Variants in IQGAP2 observed in about 807,000 individuals in gnomAD.
IQGAP2 encodes the protein ras GTPase-activating-like protein IQGAP2.
A neutral mutation model predicts 201.3 loss-of-function variants in IQGAP2; 173 were observed. The observed-to-expected ratio is 0.86, with a 90% CI of 0.76 to 0.98. IQGAP2 has a LOEUF of 0.98. IQGAP2 is among the 50% of genes least tolerant of loss of function. The pLI, the probability that IQGAP2 is intolerant of heterozygous loss-of-function variation, is 0.00. For synonymous variants in IQGAP2, 675 were observed against 673.9 expected (o/e 1.00, Z -0.03); for missense variants, 1,687 against 1,864.8 (o/e 0.90, Z 1.76).
rs150402858 is a variant in IQGAP2 at position 76,668,319 on chromosome 5, G to A, written c.2680-362G>A. On this transcript the variant is annotated intron_variant, in intron 22 of 35. Coordinates refer to ENST00000274364, the MANE Select transcript of IQGAP2 (RefSeq NM_006633.5). ...TAATATGTTAAGTGTATCATATAGTGTGTATCATTTAAATCCTATCATAAT... is the reference window on the plus strand; with the variant it reads ...TAATATGTTAAGTGTATCATATAGTATGTATCATTTAAATCCTATCATAAT... Among the ~76,000 whole-genome samples the A allele has an allele frequency of 5.5e-3, 839 of 151,922 alleles. 8 individuals are homozygous for A. The highest frequency in any genetic ancestry group is 0.019 in the African/African-American group (772 of 41,466).
intron 1 of IQGAP2, among the ~76,000 whole-genome samples, chr5:76,431,317 T>C (rs933921442): frequency 6.6e-6 from 1 of 151,966 alleles, no homozygotes; most frequent in African/African-American, 2.4e-5. Flanking sequence ...TTTATAAATA[T>C]AAAAATATAA....
At chr5:76,619,861 G>A (rs1250987251) in intron 13 of IQGAP2, among the ~76,000 whole-genome samples, 2 of 152,032 alleles carry the variant, frequency 1.3e-5, no homozygotes, top group Non-Finnish European at 2.9e-5. Context: ...TGCCTGGGTG[G>A]GTCAAATATA....
Position 76,707,252 on chromosome 5 carries a change from A to T in IQGAP2, c.4667A>T (p.Lys1556Met), listed in dbSNP as rs750133277. ...EGVAVMKMFD[K>M]VKVNVNLLIY... ...GTAGCTGTAATGAAAATGTTTGATA[A>T]GGTTAAAGTGAATGTAAACCTTCTC... The change falls in exon 36 of 36, where the codon AAG becomes ATG. Residue 1556 changes from lysine (K) to methionine (M), a missense_variant. Transcript: ENST00000274364. 17 of 1,584,934 alleles carry T rather than the reference A, an allele frequency of 1.1e-5. No individual in the cohort carries two copies. Among genetic ancestry groups the T allele is most frequent in the Non-Finnish European group, 1.2e-5 (14 of 1,153,736 alleles).
chr5:76,647,571 C>T (rs1052759397), intron 17 of IQGAP2, among the ~76,000 whole-genome samples: 1 of 152,074 alleles, frequency 6.6e-6, no homozygotes, highest in African/African-American at 2.4e-5. Context: ...CTCATTCTCT[C>T]TTGCTGCCAC....
intron 4 of IQGAP2, among the ~76,000 whole-genome samples, 182 bp from the exon 5 acceptor site, chr5:76,575,511 G>A (rs1401168568): frequency 6.6e-6 from 1 of 152,156 alleles, no homozygotes; most frequent in Middle Eastern, 3.2e-3. Context: ...ATGCTGTCAG[G>A]CAGGGGTCCA....
chr5:76,487,709 G>T (rs1187391406), intron 2 of IQGAP2, among the ~76,000 whole-genome samples: 2 of 152,108 alleles, frequency 1.3e-5, no homozygotes, highest in African/African-American at 4.8e-5. Context: ...GGGGGGCAGG[G>T]TCTTTTCCTA....
intron 10 of IQGAP2, among the ~76,000 whole-genome samples, chr5:76,600,425 A>C (rs1210157346): frequency 6.6e-6 from 1 of 152,188 alleles, no homozygotes; most frequent in Non-Finnish European, 1.5e-5. Context: ...CAAACTGGAA[A>C]TCGTTAGCTG....
intron 2 of IQGAP2, among the ~76,000 whole-genome samples, chr5:76,484,564 TA>T (rs540843099): frequency 1.6e-3 from 247 of 152,190 alleles, no homozygotes; most frequent in African/African-American, 4.2e-3. Flanking sequence ...ACTTTTCCTT[TA>T]AAAAAAATTT....
At chr5:76,513,197 T>C (rs2150184857) in intron 2 of IQGAP2, among the ~76,000 whole-genome samples, 1 of 152,392 alleles carries the variant, frequency 6.6e-6, no homozygotes, top group East Asian at 1.9e-4. Context: ...GTGTACTCTT[T>C]CTGTGCCAAG....
chr5:76,640,681 C>T (rs1751503394), intron 16 of IQGAP2, among the ~76,000 whole-genome samples: 1 of 152,208 alleles, frequency 6.6e-6, no homozygotes, highest in East Asian at 1.9e-4. Context: ...CCATACATCT[C>T]TGCCTCCAAA....
chr5:76,667,039 A>G (rs1417244703), intron 22 of IQGAP2, among the ~76,000 whole-genome samples: 1 of 152,098 alleles, frequency 6.6e-6, no homozygotes, highest in Non-Finnish European at 1.5e-5. Flanking sequence ...ATGAGACACC[A>G]CACCTGACCT....
At chr5:76,514,753 C>T (rs2150186802) in intron 2 of IQGAP2, among the ~76,000 whole-genome samples, 1 of 152,274 alleles carries the variant, frequency 6.6e-6, no homozygotes, top group Admixed American at 6.5e-5. Flanking sequence ...GTACTTGCCT[C>T]CCCCTCCCCC....
intron 12 of IQGAP2, chr5:76,609,241 C>T (rs1482107297): frequency 7.8e-6 from 12 of 1,535,750 alleles, no homozygotes; most frequent in Non-Finnish European, 9.6e-6. Context: ...GTATTTAGAA[C>T]AGCTTACCCA....
chr5:76,567,625 G>A (rs1341811988), intron 3 of IQGAP2, among the ~76,000 whole-genome samples: 1 of 152,124 alleles, frequency 6.6e-6, no homozygotes, highest in East Asian at 1.9e-4. Context: ...CAAATATTAT[G>A]GGATTCTGCA....
chr5:76,440,953 C>T (rs746602257), intron 1 of IQGAP2, among the ~76,000 whole-genome samples: 1 of 151,842 alleles, frequency 6.6e-6, no homozygotes, highest in Admixed American at 6.6e-5. Flanking sequence ...ATTGCTTGAA[C>T]CCAGGAGGTG....
chr5:76,630,646 T>A lies in IQGAP2; in HGVS notation c.1613-1213T>A, dbSNP rs1750620551. Among the ~76,000 whole-genome samples the A allele has an allele frequency of 1.3e-5, 2 of 152,192 alleles. 1 individual carries two copies. The highest frequency in any genetic ancestry group is 4.1e-4 in the South Asian group (2 of 4,834). ...ATGACACTGTCACATGTAGTTCATG[T>A]GATAATTTTTGTCATTTTCTTGTTC... On this transcript the variant is annotated intron_variant, in intron 14 of 35. Transcript: ENST00000274364.
chr5:76,570,668 A>C lies in IQGAP2; in HGVS notation c.381+11A>C, dbSNP rs201969391. 2,111 of 1,592,396 alleles carry C rather than the reference A, an allele frequency of 1.3e-3. 5 individuals are homozygous for C. Among genetic ancestry groups the C allele is most frequent in the Non-Finnish European group, 1.6e-3 (1,896 of 1,160,382 alleles). ...ATTGGTCTACCCAAGGTAAGCCTTC[A>C]CGCACTGGAATCTGAACTAGAAAGG... On this transcript the variant is annotated intron_variant, in intron 4 of 35. Coordinates refer to ENST00000274364, the MANE Select transcript of IQGAP2 (RefSeq NM_006633.5).
At chr5:76,648,271 TTAAGAGAGTTA>T (rs1192227127) in intron 17 of IQGAP2, among the ~76,000 whole-genome samples, 1 of 152,182 alleles carries the variant, frequency 6.6e-6, no homozygotes, top group African/African-American at 2.4e-5. Flanking sequence ...CTCTTCACCT[TTAAGAGAGTTA>T]TGTTTGTTTA....
intron 12 of IQGAP2, among the ~76,000 whole-genome samples, chr5:76,608,537 T>C (rs1367603465): frequency 6.6e-6 from 1 of 152,214 alleles, no homozygotes; most frequent in African/African-American, 2.4e-5. Context: ...CTGAGAATTT[T>C]TCATGGACGT....
Sources: allele counts gnomAD v4.1 joint callset (sites outside exome capture counted in the v4.1 genomes callset), GRCh38; gene constraint gnomAD v4.1.1; transcripts MANE v1.5; gene names NCBI Gene and HGNC (gene_info 2026-07-23, HGNC 2026-07-21).